Variants in RP1 observed in about 807,000 individuals in gnomAD.
RP1 encodes the protein RP1 axonemal microtubule associated, also known as oxygen-regulated protein 1.
Under a neutral mutation model 14.8 loss-of-function variants are expected in RP1, and 16 were observed. The observed-to-expected ratio is 1.08, with a 90% CI of 0.73 to 1.65. The LOEUF is 1.65. Ranked by LOEUF, RP1 falls within the 40% of genes most tolerant of loss-of-function variation. The pLI is 0.00. For synonymous variants in RP1, 876 were observed against 883.6 expected, an observed-to-expected ratio of 0.99 and a Z score of 0.15; for missense variants, 2,631 against 2,535.0, an observed-to-expected ratio of 1.04 and a Z score of -0.81.
At chr8:54,701,003 G>A (rs1808001242) in intron 13 of RP1, among the ~76,000 whole-genome samples, 1 of 152,158 alleles carries the variant, frequency 6.6e-6, no homozygotes, top group Non-Finnish European at 1.5e-5. Flanking sequence ...CTGCCTCCCT[G>A]GGGAACTAGA....
At chr8:54,838,044 G>A (rs1043151337) in intron 25 of RP1, among the ~76,000 whole-genome samples, 2 of 152,160 alleles carry the variant, frequency 1.3e-5, no homozygotes, top group African/African-American at 2.4e-5. Context: ...TTTGGCCCAC[G>A]GGCCGCAAGT....
At chr8:54,835,105 C>T (rs558947023) in intron 24 of RP1, among the ~76,000 whole-genome samples, 2 of 135,986 alleles carry the variant, frequency 1.5e-5, no homozygotes, top group Non-Finnish European at 3.4e-5. Flanking sequence ...GAGTCACTGT[C>T]CTTTTTTTGT....
At chr8:54,737,912 A>C (rs1327230901) in intron 18 of RP1, among the ~76,000 whole-genome samples, 1 of 152,132 alleles carries the variant, frequency 6.6e-6, no homozygotes, top group African/African-American at 2.4e-5. Flanking sequence ...CTGCAGAGGT[A>C]GATTGGTGCC....
intron 1 of RP1, among the ~76,000 whole-genome samples, chr8:54,596,901 C>T (rs1805160678): frequency 6.6e-6 from 1 of 152,116 alleles, no homozygotes; most frequent in African/African-American, 2.4e-5. Context: ...TTCCTATTCT[C>T]ATTACTCTAA....
chr8:54,803,293 G>A (rs1267114951), intron 24 of RP1, among the ~76,000 whole-genome samples: 1 of 152,192 alleles, frequency 6.6e-6, no homozygotes, highest in Non-Finnish European at 1.5e-5. Flanking sequence ...GGACTGGAGA[G>A]AGACACGTAG....
chr8:54,705,721 A>G (rs1013313422), intron 14 of RP1, among the ~76,000 whole-genome samples: 2 of 152,146 alleles, frequency 1.3e-5, no homozygotes, highest in Admixed American at 1.3e-4. Context: ...TCAGCAGTGT[A>G]GGAAAACACC....
At chr8:54,858,363 T>C (rs1219318899) in intron 27 of RP1, among the ~76,000 whole-genome samples, 3 of 152,238 alleles carry the variant, frequency 2.0e-5, no homozygotes, top group Non-Finnish European at 4.4e-5. Context: ...ATGGTGTCAC[T>C]GTAGAGTGGT....
intron 19 of RP1, among the ~76,000 whole-genome samples, chr8:54,748,523 T>C (rs2129363139): frequency 6.6e-6 from 1 of 152,356 alleles, no homozygotes; most frequent in Admixed American, 6.5e-5. Context: ...GTACAGTCCT[T>C]GATAACAAAT....
chr8:54,700,601 A>AT (rs2129343166), intron 13 of RP1, among the ~76,000 whole-genome samples: 1 of 152,254 alleles, frequency 6.6e-6, no homozygotes, highest in Admixed American at 6.5e-5. Flanking sequence ...TGGATATGGA[A>AT]TCTACTCCAT....
At chr8:54,724,333 T>TTA (rs1451167081) in intron 16 of RP1, among the ~76,000 whole-genome samples, 1 of 152,196 alleles carries the variant, frequency 6.6e-6, no homozygotes. Flanking sequence ...AAATAGAAGG[T>TTA]ATTCAATAAA....
At chr8:54,826,738 G>T (rs1811392895) in intron 24 of RP1, among the ~76,000 whole-genome samples, 2 of 152,102 alleles carry the variant, frequency 1.3e-5, no homozygotes, top group African/African-American at 2.4e-5. Flanking sequence ...ACCATTAAAA[G>T]GATCTGCATT....
At chr8:54,656,301 G>A in intron 6 of RP1, 1 of 1,331,624 alleles carries the variant, frequency 7.5e-7, no homozygotes, top group Non-Finnish European at 1.0e-6. Flanking sequence ...CACATGTTGA[G>A]TAAATGAATG....
intron 22 of RP1, among the ~76,000 whole-genome samples, chr8:54,762,636 T>C (rs752083291): frequency 2.6e-5 from 4 of 152,236 alleles, no homozygotes; most frequent in Non-Finnish European, 5.9e-5. Flanking sequence ...TATTTTCATT[T>C]AGTATTTATA....
rs544492467 is a variant in RP1, at chr8:54,601,204, G to C, written c.-12-19751G>C. On this transcript the variant is annotated intron_variant, in intron 1 of 22. Transcript: ENST00000636932. ...GGTTTATCAAAGATACCTCTCCACT[G>C]TTAAAAATTAAGCTTTGAAATCCTA... is the stretch of plus-strand genomic sequence containing the variant. Among the ~76,000 whole-genome samples, 37 of 152,288 alleles carry C rather than the reference G, an allele frequency of 2.4e-4. 2 individuals carry two copies. The South Asian group carries it at 7.7e-3, about 32-fold the overall frequency.
At chr8:54,777,699 G>A (rs965035938) in intron 23 of RP1, among the ~76,000 whole-genome samples, 9 of 152,124 alleles carry the variant, frequency 5.9e-5, no homozygotes, top group Non-Finnish European at 1.3e-4. Context: ...TGAAGGACTT[G>A]TGAATTTATA....
At chr8:54,660,127 G>T (rs1326525787) in intron 6 of RP1, among the ~76,000 whole-genome samples, 1 of 152,026 alleles carries the variant, frequency 6.6e-6, no homozygotes, top group Admixed American at 6.6e-5. Flanking sequence ...CCTGCAAACA[G>T]CGATAATCTT....
chr8:54,722,262 TG>T (rs200932420), intron 16 of RP1, among the ~76,000 whole-genome samples: 3,196 of 123,450 alleles, frequency 0.026, 58 homozygotes, highest in African/African-American at 0.055. Context: ...TATTTTAGAA[TG>T]GTTTTTTTTT....
chr8:54,633,737 C>CTCTCTCTCTATA (rs1236298691), downstream of RP1, among the ~76,000 whole-genome samples: 174 of 118,780 alleles, frequency 1.5e-3, no homozygotes, highest in African/African-American at 5.1e-3. Context: ...CTCTCTCTCT[C>CTCTCTCTCTATA]TATATATATA....
At chr8:54,851,885 AT>A (rs1563396315) in intron 25 of RP1, among the ~76,000 whole-genome samples, 4 of 152,188 alleles carry the variant, frequency 2.6e-5, no homozygotes, top group African/African-American at 7.2e-5. Flanking sequence ...ACAAAGTATG[AT>A]TTATAAAGAG....
Sources: allele counts gnomAD v4.1 joint callset (sites outside exome capture counted in the v4.1 genomes callset), GRCh38; gene constraint gnomAD v4.1.1; transcripts MANE v1.5; gene names NCBI Gene and HGNC (gene_info 2026-07-23, HGNC 2026-07-21).